PTK2: variants seen among roughly 807,000 people sequenced by gnomAD.
PTK2 encodes the protein focal adhesion kinase 1.
A neutral mutation model predicts 150.1 loss-of-function variants in PTK2; 45 were observed. The ratio of observed to expected loss-of-function variants is 0.30; its 90% CI spans 0.24 to 0.38. The LOEUF is 0.38. Among genes scored for constraint, PTK2 ranks in the 10% least tolerant of loss-of-function variants. The pLI is 1.00. For missense variants in PTK2, 919 were observed against 1,307.3 expected, an observed-to-expected ratio of 0.70 and a Z score of 4.58; for synonymous variants, 432 against 449.2, an observed-to-expected ratio of 0.96 and a Z score of 0.48.
intron 5 of PTK2, among the ~76,000 whole-genome samples, chr8:140,856,127 C>T (rs192252558): frequency 1.6e-3 from 238 of 152,210 alleles, no homozygotes; most frequent in Admixed American, 3.1e-3. Context: ...AACATAAAAA[C>T]CACCACGATT....
intron 1 of PTK2, among the ~76,000 whole-genome samples, chr8:140,993,938 C>T (rs1174839529): frequency 2.6e-5 from 4 of 152,154 alleles, no homozygotes; most frequent in African/African-American, 4.8e-5. Flanking sequence ...CCATGTTGCC[C>T]AGGCTGGTCA....
At chr8:140,714,519 G>A (rs926422132) in intron 23 of PTK2, among the ~76,000 whole-genome samples, 2 of 151,536 alleles carry the variant, frequency 1.3e-5, no homozygotes, top group African/African-American at 2.4e-5. Flanking sequence ...TAAGACAGCC[G>A]GGCGTGGTGG....
Position 140,940,139 on chromosome 8 carries a change from G to A in PTK2, c.-121-14390C>T, listed in dbSNP as rs78972940. 4.8e-3 allele frequency among the ~76,000 whole-genome samples: 724 copies of A among 152,300 alleles called. 4 individuals are homozygous for A. The highest frequency in any genetic ancestry group is 7.1e-3 in the Non-Finnish European group (481 of 68,030). On this transcript the variant is annotated intron_variant, in intron 1 of 31. Transcript: ENST00000522684. ...TCCTAACATATCCCTGATAGGATGG[G>A]CAAGTAATAAATACAGACTTTTGCT... is the stretch of plus-strand genomic sequence containing the variant.
chr8:140,922,180 G>A (rs2154608298), intron 2 of PTK2, among the ~76,000 whole-genome samples: 1 of 152,176 alleles, frequency 6.6e-6, no homozygotes, highest in African/African-American at 2.4e-5. Context: ...GATGCCCCAG[G>A]ACAGTTGTTT....
chr8:140,674,393 G>C, exon 29 of PTK2: 2 of 1,595,420 alleles, frequency 1.3e-6, no homozygotes, highest in Non-Finnish European at 1.7e-6. Flanking sequence ...TTCTTTGGTG[G>C]AGCTGCAGGA....
At chr8:140,950,294 T>C (rs2100179133) in intron 1 of PTK2, among the ~76,000 whole-genome samples, 1 of 152,218 alleles carries the variant, frequency 6.6e-6, no homozygotes, top group African/African-American at 2.4e-5. Flanking sequence ...GCCAGGGCTA[T>C]GACACCCTCT....
rs564714046 is a variant in PTK2, at chr8:140,771,798, G to A, written c.1178-7508C>T. On this transcript the variant is annotated intron_variant, in intron 14 of 31. Coordinates refer to ENST00000522684, the Ensembl canonical transcript of PTK2. ...ATTAACATTTTTTTTTTTTTTTTTT[G>A]AGACAAAGTCTCGCTCTTCTCCCCC... Among the ~76,000 whole-genome samples, 346 of 69,376 alleles carry A rather than the reference G, an allele frequency of 5.0e-3. 3 individuals carry two copies. The highest frequency in any genetic ancestry group is 0.048 in the Middle Eastern group (5 of 104). The allele number at this position is 69,376 out of a possible 152,430, so 45.5% of individuals were successfully genotyped here. A position where few individuals can be genotyped will look rare whatever the true frequency, so the allele number is the denominator to read the frequency against.
intron 2 of PTK2, among the ~76,000 whole-genome samples, chr8:140,916,916 T>A (rs1456110449): frequency 2.0e-5 from 3 of 152,238 alleles, no homozygotes; most frequent in Admixed American, 1.3e-4. Context: ...GGGATAATGA[T>A]ATTTCCTATC....
intron 1 of PTK2, among the ~76,000 whole-genome samples, chr8:140,999,601 A>G (rs1056118644): frequency 9.2e-5 from 14 of 152,248 alleles, no homozygotes; most frequent in Non-Finnish European, 1.5e-4. Flanking sequence ...TACCCCAACA[A>G]AAATACGTTG....
Position 140,890,774 on chromosome 8 carries a change from T to C in PTK2, c.-32-5A>G. The stretch of plus-strand genomic sequence containing the variant: ...ATGCTAGGTATCTGTCATATTCTGT[T>C]AAAAGAACAAAATAATTTTTTGTGT... On this transcript the variant is annotated splice_polypyrimidine_tract_variant and splice_region_variant and intron_variant, in intron 2 of 31. Coordinates refer to ENST00000522684, the Ensembl canonical transcript of PTK2. The C allele has an allele frequency of 6.2e-7, 1 of 1,611,292 alleles. No homozygotes were observed. The highest frequency in any genetic ancestry group is 1.7e-4 in the Middle Eastern group (1 of 6,052).
At chr8:140,796,850 A>G (rs2100091907) in intron 12 of PTK2, among the ~76,000 whole-genome samples, 1 of 152,214 alleles carries the variant, frequency 6.6e-6, no homozygotes, top group Admixed American at 6.5e-5. Context: ...TTTAATGCTT[A>G]TAAATACACA....
intron 1 of PTK2, among the ~76,000 whole-genome samples, chr8:140,966,691 T>G (rs1016134599): frequency 6.6e-6 from 1 of 152,228 alleles, no homozygotes; most frequent in Non-Finnish European, 1.5e-5. Flanking sequence ...AAAATTAAAG[T>G]TGGCTTATTA....
At chr8:140,890,723 G>A (rs886465125) in exon 3 of PTK2, 1 of 1,614,054 alleles carries the variant, frequency 6.2e-7, no homozygotes, top group Non-Finnish European at 8.5e-7. Context: ...TGGGGTCAAG[G>A]TAAGCAGCTG....
At chr8:140,661,373 G>C (rs1312790668) in intron 31 of PTK2, among the ~76,000 whole-genome samples, 1 of 152,214 alleles carries the variant, frequency 6.6e-6, no homozygotes, top group East Asian at 1.9e-4. Flanking sequence ...ACCAACCTGA[G>C]ACCTGATGAG....
At chr8:140,800,372 TA>T in intron 12 of PTK2, 86 bp downstream of exon 12, 1 of 1,058,896 alleles carries the variant, frequency 9.4e-7, no homozygotes. Flanking sequence ...TACAGTTACC[TA>T]AAAGAGGATA....
chr8:140,808,527 C>T (rs1037163397), intron 10 of PTK2, among the ~76,000 whole-genome samples: 1 of 151,958 alleles, frequency 6.6e-6, no homozygotes, highest in Admixed American at 6.6e-5. Flanking sequence ...ATACGCTTGG[C>T]CATAAAGAAG....
At chr8:140,819,094 TTC>T in intron 8 of PTK2, 74 bp from the exon 9 acceptor site, 1 of 1,478,278 alleles carries the variant, frequency 6.8e-7, no homozygotes, top group Non-Finnish European at 9.1e-7. Flanking sequence ...ATGGTAAGAT[TTC>T]TTTCCTACCA....
chr8:140,706,268 G>T, intron 23 of PTK2, 63 bp from the exon 27 acceptor site: 1 of 1,288,518 alleles, frequency 7.8e-7, no homozygotes, highest in South Asian at 1.2e-5. Flanking sequence ...TGTACTTTAT[G>T]AATCGAAAAA....
chr8:140,997,394 AAAGAAGTTCTACTGTGGATAAAATG>A (rs552254903), intron 1 of PTK2, among the ~76,000 whole-genome samples: 119 of 152,366 alleles, frequency 7.8e-4, no homozygotes, highest in African/African-American at 2.8e-3. Context: ...TCCAATTTTG[AAAGAAGTTCTACTGTGGATAAAATG>A]CTTTCAAATA....
Sources: gnomAD v4.1 joint callset for allele counts (sites outside exome capture counted in the v4.1 genomes callset) on GRCh38, gnomAD v4.1.1 for gene constraint, MANE v1.5 for transcripts, NCBI Gene and HGNC (gene_info 2026-07-23, HGNC 2026-07-21) for gene names.